The following PPFIA2 variants were observed in gnomAD, a reference collection of about 807,000 sequenced individuals.
PPFIA2 encodes liprin-alpha-2.
In PPFIA2, 46 loss-of-function variants were observed where a neutral mutation model predicts 175.5. The observed-to-expected ratio is 0.26, with a 90% CI of 0.21 to 0.34. The LOEUF (loss-of-function observed/expected upper bound fraction) is 0.34, where lower values mean the gene tolerates loss of function less well. Among genes scored for constraint, PPFIA2 ranks in the 10% least tolerant of loss-of-function variants. PPFIA2 has a pLI of 1.00. For synonymous variants in PPFIA2, 568 were observed against 511.4 expected (o/e 1.11, Z -1.49); for missense variants, 1,179 against 1,506.1 (o/e 0.78, Z 3.60).
chr12:81,584,498 T>C (rs536308333), intron 4 of PPFIA2, among the ~76,000 whole-genome samples: 1 of 151,680 alleles, frequency 6.6e-6, no homozygotes, highest in East Asian at 1.9e-4. Context: ...CAGGATAAAG[T>C]ATGCTACAGT....
intron 28 of PPFIA2, among the ~76,000 whole-genome samples, chr12:81,276,458 ATTTTTTTCCTTCAACAAC>A: frequency 6.6e-6 from 1 of 152,058 alleles, no homozygotes; most frequent in South Asian, 2.1e-4. Context: ...CCAATCATGT[ATTTTTTTCCTTCAACAAC>A]AACAATAATA....
intron 4 of PPFIA2, among the ~76,000 whole-genome samples, chr12:81,526,538 A>G (rs962121270): frequency 9.2e-5 from 14 of 152,166 alleles, no homozygotes; most frequent in South Asian, 4.1e-4. Context: ...ATAGTCCTAA[A>G]TGAGGCCATT....
At chr12:81,721,439 A>G (rs1293012372) in intron 3 of PPFIA2, among the ~76,000 whole-genome samples, 1 of 148,858 alleles carries the variant, frequency 6.7e-6, no homozygotes, top group East Asian at 2.0e-4. Context: ...AACACCTAAT[A>G]CACACACACA....
At chr12:81,637,140 G>A (rs2064179566) in intron 4 of PPFIA2, among the ~76,000 whole-genome samples, 1 of 149,596 alleles carries the variant, frequency 6.7e-6, no homozygotes, top group African/African-American at 2.5e-5. Context: ...TGTGATCTCG[G>A]CTCACTGCAA....
chr12:81,294,940 CTG>C lies in PPFIA2; in HGVS notation c.2818_2819del (p.Gln940GlufsTer45). 6.2e-7 allele frequency: 1 copy of C among 1,613,698 alleles called. No individual in the cohort carries two copies. The highest frequency in any genetic ancestry group is 8.5e-7 in the Non-Finnish European group (1 of 1,179,760). ...IMSALSDTEI[Q>X]REIGISNPLH... ...GTGGATTGCTGATTCCAATTTCTCT[CTG>C]GATCTCAGTGTCAGATAAAGCAGAC... On this transcript the variant is annotated frameshift_variant, in exon 24 of 33. Transcript: ENST00000549396. LOFTEE classifies it high-confidence loss of function.
intron 3 of PPFIA2, among the ~76,000 whole-genome samples, chr12:81,680,427 A>G (rs2073390653): frequency 6.6e-6 from 1 of 152,124 alleles, no homozygotes; most frequent in South Asian, 2.1e-4. Context: ...AAACATATAC[A>G]TAGGACTCCA....
intron 20 of PPFIA2, 78 bp downstream of exon 20, chr12:81,341,000 C>T (rs2057947735): frequency 7.8e-6 from 11 of 1,404,464 alleles, no homozygotes; most frequent in Non-Finnish European, 1.1e-5. Flanking sequence ...GTTAAGCAGT[C>T]TATTCGACAA....
intron 4 of PPFIA2, among the ~76,000 whole-genome samples, chr12:81,631,240 T>G (rs1021909144): frequency 6.6e-6 from 1 of 152,166 alleles, no homozygotes; most frequent in Non-Finnish European, 1.5e-5. Flanking sequence ...TTATTAGATA[T>G]TGATTTTAAT....
intron 22 of PPFIA2, among the ~76,000 whole-genome samples, chr12:81,324,957 G>C (rs1038418439): frequency 2.6e-5 from 4 of 151,874 alleles, no homozygotes; most frequent in Non-Finnish European, 5.9e-5. Context: ...CAATTGATTA[G>C]CCTGTATATT....
At chr12:81,699,878 T>A (rs561780900) in intron 3 of PPFIA2, among the ~76,000 whole-genome samples, 7 of 152,176 alleles carry the variant, frequency 4.6e-5, no homozygotes, top group African/African-American at 7.2e-5. Flanking sequence ...TGTCTCTGCA[T>A]CCACATTTCT....
chr12:81,552,178 T>C (rs2068040384), intron 4 of PPFIA2, among the ~76,000 whole-genome samples: 1 of 151,766 alleles, frequency 6.6e-6, no homozygotes, highest in Non-Finnish European at 1.5e-5. Context: ...TAGAAATAAA[T>C]GGCAAAACTA....
chr12:81,376,025 C>T, intron 9 of PPFIA2, 83 bp from the exon 10 acceptor site: 1 of 1,277,628 alleles, frequency 7.8e-7, no homozygotes, highest in Non-Finnish European at 1.1e-6. Flanking sequence ...AAAAAAGAAA[C>T]ATAAAAACTA....
chr12:81,318,428 A>G (rs956423970), intron 22 of PPFIA2, among the ~76,000 whole-genome samples: 2 of 151,776 alleles, frequency 1.3e-5, no homozygotes, highest in African/African-American at 4.8e-5. Context: ...TAAATTATAT[A>G]TGTTCCCCTA....
intron 26 of PPFIA2, 35 bp from the exon 27 acceptor site, chr12:81,281,485 CA>C (rs1354267022): frequency 7.7e-6 from 11 of 1,425,476 alleles, no homozygotes; most frequent in Admixed American, 1.9e-5. Flanking sequence ...GTTTCTTAAC[CA>C]ATCAGATAAG....
At chr12:81,688,777 C>T (rs966899399) in intron 3 of PPFIA2, among the ~76,000 whole-genome samples, 5 of 138,296 alleles carry the variant, frequency 3.6e-5, no homozygotes, top group Non-Finnish European at 7.8e-5. Flanking sequence ...GAACTGAAAG[C>T]AAAAACAGGG....
rs189024592 is a variant in PPFIA2 at position 81,359,704 on chromosome 12, A to T, written c.1638-1487T>A. Reference sequence around the variant, plus strand: ...CCTTTTTCCTGTGGCTGCTTACCTTAATGTCCCTTTAGGCATCAGGGTGAA... The same window carrying T: ...CCTTTTTCCTGTGGCTGCTTACCTTTATGTCCCTTTAGGCATCAGGGTGAA... On this transcript the variant is annotated intron_variant, in intron 15 of 32. Transcript: ENST00000549396. Among the ~76,000 whole-genome samples, 24 of 151,960 alleles carry T rather than the reference A, an allele frequency of 1.6e-4. No homozygotes were observed. The East Asian group carries it at 4.6e-3, about 29-fold the overall frequency.
chr12:81,537,719 G>A (rs995023452), intron 4 of PPFIA2, among the ~76,000 whole-genome samples: 4 of 151,766 alleles, frequency 2.6e-5, no homozygotes, highest in Non-Finnish European at 4.4e-5. Context: ...GACTGTTAAT[G>A]AGTTCTTCGT....
intron 5 of PPFIA2, among the ~76,000 whole-genome samples, chr12:81,455,022 C>G (rs1290268569): frequency 1.3e-5 from 2 of 151,964 alleles, no homozygotes; most frequent in Non-Finnish European, 2.9e-5. Context: ...CTATCACTTG[C>G]GCTTTAAATT....
intron 26 of PPFIA2, among the ~76,000 whole-genome samples, chr12:81,281,967 C>T (rs1017922669): frequency 1.3e-5 from 2 of 151,926 alleles, no homozygotes; most frequent in Non-Finnish European, 2.9e-5. Flanking sequence ...ATTGTTGTTA[C>T]TTAGCAAAGC....
Sources: allele counts gnomAD v4.1 joint callset (sites outside exome capture counted in the v4.1 genomes callset), GRCh38; gene constraint gnomAD v4.1.1; transcripts MANE v1.5; gene names NCBI Gene and HGNC (gene_info 2026-07-23, HGNC 2026-07-21).